The following NXPE2 variants were observed in gnomAD, a reference collection of about 807,000 sequenced individuals.
NXPE2 encodes the protein NXPE family member 2.
NXPE2 carries 34 observed loss-of-function variants against 34.4 expected under a neutral mutation model. The observed-to-expected ratio is 0.99, with a 90% confidence interval of 0.75 to 1.31. The LOEUF (loss-of-function observed/expected upper bound fraction) is 1.31. Ranked by LOEUF, NXPE2 falls within the 40% of genes most tolerant of loss-of-function variation. The pLI is 0.00. For missense variants in NXPE2, 649 were observed against 672.5 expected, an observed-to-expected ratio of 0.97 and a Z score of 0.39; for synonymous variants, 235 against 231.3, an observed-to-expected ratio of 1.02 and a Z score of -0.15.
At chr11:114,597,999 A>T in the NXPE2 span, among the ~76,000 whole-genome samples, 1 of 152,138 alleles carries the variant, frequency 6.6e-6, no homozygotes, top group Non-Finnish European at 1.5e-5. Flanking sequence ...AGACAAGGTA[A>T]GTCCCTTCCA....
chr11:114,801,422 T>A, the NXPE2 span, among the ~76,000 whole-genome samples: 1 of 152,078 alleles, frequency 6.6e-6, no homozygotes, highest in Non-Finnish European at 1.5e-5. Context: ...AGGAAGAAGA[T>A]GAGTTGGAGA....
chr11:114,572,684 T>C, the NXPE2 span, among the ~76,000 whole-genome samples: 1 of 152,202 alleles, frequency 6.6e-6, no homozygotes, highest in African/African-American at 2.4e-5. Flanking sequence ...TTTTAAAAAA[T>C]GAACAAAGCC....
the NXPE2 span, among the ~76,000 whole-genome samples, chr11:114,648,458 G>C: frequency 6.6e-6 from 1 of 152,288 alleles, no homozygotes; most frequent in Non-Finnish European, 1.5e-5. Context: ...TCACAAATTG[G>C]ATGAGGCTCA....
chr11:114,650,893 C>T, the NXPE2 span, among the ~76,000 whole-genome samples: 4 of 152,068 alleles, frequency 2.6e-5, no homozygotes, highest in East Asian at 5.8e-4. Flanking sequence ...CGGCAAGCTG[C>T]AGCTGGTGGA....
the NXPE2 span, among the ~76,000 whole-genome samples, chr11:114,488,891 A>C: frequency 6.6e-6 from 1 of 152,168 alleles, no homozygotes; most frequent in Admixed American, 6.5e-5. Context: ...AGACACAAAA[A>C]ACCCTTCAAA....
the NXPE2 span, among the ~76,000 whole-genome samples, chr11:114,757,082 G>A: frequency 2.0e-5 from 3 of 152,116 alleles, no homozygotes; most frequent in East Asian, 5.8e-4. Context: ...TCTCAACACT[G>A]TATTGCAGCA....
At chr11:114,650,244 G>C in the NXPE2 span, among the ~76,000 whole-genome samples, 12 of 152,138 alleles carry the variant, frequency 7.9e-5, 1 homozygote, top group Non-Finnish European at 2.9e-5. Context: ...AAAGAGGAGA[G>C]AGCATATAAA....
At chr11:114,725,976 A>AAAATATATATATATAT in the NXPE2 span, among the ~76,000 whole-genome samples, 85 of 101,730 alleles carry the variant, frequency 8.4e-4, 1 homozygote, top group African/African-American at 2.3e-3. Context: ...ATAAAAAAAA[A>AAAATATATATATATAT]ATATATATAT....
the NXPE2 span, among the ~76,000 whole-genome samples, chr11:114,750,442 G>A: frequency 6.6e-6 from 1 of 152,012 alleles, no homozygotes; most frequent in Non-Finnish European, 1.5e-5. Context: ...GATTTTATTG[G>A]CATCTATCCT....
the NXPE2 span, among the ~76,000 whole-genome samples, chr11:114,764,195 G>A: frequency 1.3e-5 from 2 of 152,120 alleles, no homozygotes; most frequent in Non-Finnish European, 2.9e-5. Flanking sequence ...GATCCTTGCT[G>A]AGATCATAAA....
At chr11:114,489,105 C>G in the NXPE2 span, among the ~76,000 whole-genome samples, 2 of 152,162 alleles carry the variant, frequency 1.3e-5, no homozygotes, top group African/African-American at 2.4e-5. Context: ...ACTAGAAAAT[C>G]TAGAAGAAAT....
At chr11:114,693,159 C>G (rs570287660) in intron 2 of NXPE2, among the ~76,000 whole-genome samples, 1 of 152,150 alleles carries the variant, frequency 6.6e-6, no homozygotes, top group African/African-American at 2.4e-5. Flanking sequence ...TTTGTCAGGC[C>G]TTTTAAAAAT....
At chr11:114,576,215 G>C in the NXPE2 span, among the ~76,000 whole-genome samples, 1 of 152,068 alleles carries the variant, frequency 6.6e-6, no homozygotes, top group African/African-American at 2.4e-5. Context: ...ATGGATCAAA[G>C]ACTTAAATTT....
chr11:114,536,894 T>C, the NXPE2 span, among the ~76,000 whole-genome samples: 132 of 152,170 alleles, frequency 8.7e-4, no homozygotes, highest in African/African-American at 3.0e-3. Flanking sequence ...ACTATTCCAA[T>C]CAGTAGAAAA....
the NXPE2 span, among the ~76,000 whole-genome samples, chr11:114,632,622 T>G: frequency 9.9e-6 from 1 of 101,044 alleles, no homozygotes; most frequent in African/African-American, 4.1e-5. Context: ...TTATATATAT[T>G]TATATATAAT....
chr11:114,625,698 C>T, the NXPE2 span, among the ~76,000 whole-genome samples: 12 of 152,138 alleles, frequency 7.9e-5, no homozygotes, highest in East Asian at 1.9e-4. Context: ...GGAACAGCCC[C>T]GGTCTACAGC....
chr11:114,577,699 T>C, the NXPE2 span, among the ~76,000 whole-genome samples: 5 of 152,288 alleles, frequency 3.3e-5, no homozygotes, highest in South Asian at 6.2e-4. Context: ...TTTGTAGATA[T>C]TATTTTTGTA....
the NXPE2 span, among the ~76,000 whole-genome samples, chr11:114,475,248 T>TTG: frequency 2.2e-5 from 2 of 91,302 alleles, no homozygotes; most frequent in African/African-American, 1.1e-4. Flanking sequence ...TTTTTTTTTT[T>TTG]TTTTTTTTTT....
the NXPE2 span, among the ~76,000 whole-genome samples, chr11:114,495,931 A>C: frequency 6.6e-6 from 1 of 152,064 alleles, no homozygotes; most frequent in East Asian, 1.9e-4. Context: ...CCTTGAGCGC[A>C]GGAAATAAGT....
Sources: gnomAD v4.1 joint callset for allele counts (sites outside exome capture counted in the v4.1 genomes callset) on GRCh38, gnomAD v4.1.1 for gene constraint, MANE v1.5 for transcripts, NCBI Gene and HGNC (gene_info 2026-07-23, HGNC 2026-07-21) for gene names.